MTA3: variants seen among roughly 807,000 people sequenced by gnomAD.
MTA3 encodes the protein metastasis associated 1 family member 3.
A neutral mutation model predicts 83.5 loss-of-function variants in MTA3; 34 were observed. The observed-to-expected ratio is 0.41, with a 90% CI of 0.31 to 0.54. MTA3 has a LOEUF of 0.54. MTA3 is among the 20% of genes least tolerant of loss of function. The pLI is 0.33. For missense variants in MTA3, 761 were observed against 726.4 expected (o/e 1.05, Z -0.55); for synonymous variants, 303 against 252.7 (o/e 1.20, Z -1.89).
chr2:42,742,106 C>T (rs920230502), intron 16 of MTA3, among the ~76,000 whole-genome samples: 1 of 151,576 alleles, frequency 6.6e-6, no homozygotes, highest in South Asian at 2.1e-4. Flanking sequence ...TTTTTCTTTG[C>T]TCAGACCATA....
rs371834252 is a variant in MTA3 at position 42,579,161 on chromosome 2, A to G, written c.151A>G (p.Ile51Val). ...KVVCFYRRRD[I>V]SNTLIMLADK... ...AGTATGCTTTTATAGACGACGTGAT[A>G]TTTCCAACACACTTATAATGCTCGC... Residue 51 changes from isoleucine to valine, a missense_variant, in exon 3 of 17, where the codon ATT becomes GTT. Physicochemically the swap from Ile to Val is conservative, Grantham distance 29. Coordinates refer to ENST00000405094, the MANE Select transcript of MTA3 (RefSeq NM_001330442.2). The G allele has an allele frequency of 2.5e-6, 4 of 1,608,034 alleles. No homozygotes were observed. Among genetic ancestry groups the G allele is most frequent in the East Asian group, 2.2e-5 (1 of 44,708 alleles).
chr2:42,504,586 C>T (rs1417695862), intron 2 of MTA3, among the ~76,000 whole-genome samples: 1 of 152,046 alleles, frequency 6.6e-6, no homozygotes, highest in East Asian at 1.9e-4. Flanking sequence ...AGGGACATGT[C>T]GCTCCTGTGT....
At chr2:42,556,768 G>C (rs984983926) in intron 2 of MTA3, among the ~76,000 whole-genome samples, 15 of 152,166 alleles carry the variant, frequency 9.9e-5, no homozygotes, top group African/African-American at 3.6e-4. Context: ...TTGGTGGGGG[G>C]AATGGGAAGA....
At chr2:42,629,867 C>T (rs996012939) in intron 4 of MTA3, among the ~76,000 whole-genome samples, 30 of 152,140 alleles carry the variant, frequency 2.0e-4, no homozygotes, top group African/African-American at 7.0e-4. Context: ...CAACCTCTGC[C>T]TCCCAGGTTC....
intron 16 of MTA3, among the ~76,000 whole-genome samples, chr2:42,745,887 C>G (rs1481299931): frequency 4.3e-5 from 6 of 138,462 alleles, no homozygotes; most frequent in Admixed American, 2.3e-4. Context: ...AATCTTAGCT[C>G]GCTGCAACCT....
At chr2:42,720,951 C>CAAAAAAAA (rs377702701) in intron 15 of MTA3, among the ~76,000 whole-genome samples, 27 of 69,554 alleles carry the variant, frequency 3.9e-4, no homozygotes, top group African/African-American at 5.4e-4. Context: ...GACCCTGTCT[C>CAAAAAAAA]AAAAAAAAAA....
chr2:42,528,091 A>AT (rs929912179), intron 2 of MTA3, among the ~76,000 whole-genome samples: 2 of 150,520 alleles, frequency 1.3e-5, no homozygotes, highest in African/African-American at 4.9e-5. Flanking sequence ...TGCCCAGCTA[A>AT]TTTTTTTGTA....
chr2:42,730,736 T>C (rs1668178556), intron 16 of MTA3, among the ~76,000 whole-genome samples: 1 of 152,230 alleles, frequency 6.6e-6, no homozygotes. Flanking sequence ...TTTGGAAATA[T>C]TTCTTTCTCC....
rs77542695 is a variant in MTA3, at chr2:42,591,325, A to G, written c.190+12125A>G. Among the ~76,000 whole-genome samples, 1,051 of 152,328 alleles carry G rather than the reference A, an allele frequency of 6.9e-3. 13 individuals are homozygous for G. Among genetic ancestry groups the G allele is most frequent in the African/African-American group, 0.023 (961 of 41,584 alleles). On this transcript the variant is annotated intron_variant, in intron 3 of 16. Coordinates refer to ENST00000405094, the MANE Select transcript of MTA3 (RefSeq NM_001330442.2). ...GATACACCTGTGTAGGGCACTTACC[A>G]TGAATGGAGATTCCAGGCCTTGAAG...
At chr2:42,610,216 C>G (rs1009188687) in intron 4 of MTA3, among the ~76,000 whole-genome samples, 1 of 152,198 alleles carries the variant, frequency 6.6e-6, no homozygotes, top group African/African-American at 2.4e-5. Flanking sequence ...TTGGGAAATG[C>G]TGGTCTTCCA....
At position 42,667,570 on chromosome 2, in the gene MTA3, TTGTG is replaced by T. The variant is rs1553379043; in HGVS notation, c.702+7744_702+7747del. Among the ~76,000 whole-genome samples, 741 of 145,110 alleles carry T rather than the reference TTGTG, an allele frequency of 5.1e-3. 15 individuals are homozygous for T. The highest frequency in any genetic ancestry group is 0.015 in the African/African-American group (577 of 39,286). ...TGTCAGAATTTCCATCATTTAAAAA[TTGTG>T]TGTGTGTGTGTGTGTGTGTGTGTGT... On this transcript the variant is annotated intron_variant, in intron 8 of 16. Transcript: ENST00000405094.
chr2:42,665,800 C>G (rs1690181842), intron 8 of MTA3, among the ~76,000 whole-genome samples: 1 of 152,026 alleles, frequency 6.6e-6, no homozygotes, highest in Non-Finnish European at 1.5e-5. Context: ...GGTGATGAGC[C>G]GAAGGGACAA....
intron 9 of MTA3, among the ~76,000 whole-genome samples, chr2:42,694,890 G>A (rs538913770): frequency 6.6e-6 from 1 of 152,224 alleles, no homozygotes; most frequent in East Asian, 1.9e-4. Flanking sequence ...TGTGATCCTA[G>A]GACTTTGGGA....
chr2:42,743,566 G>A (rs1329609033), intron 16 of MTA3, among the ~76,000 whole-genome samples: 1 of 152,186 alleles, frequency 6.6e-6, no homozygotes, highest in Non-Finnish European at 1.5e-5. Flanking sequence ...GGGCATGTGA[G>A]TACACTGTGG....
chr2:42,703,359 C>G (rs1470852375), intron 11 of MTA3: 1 of 152,106 alleles, frequency 6.6e-6, no homozygotes, highest in Non-Finnish European at 1.5e-5. Flanking sequence ...GCCAGAAGCT[C>G]CTGAAGTCCT....
chr2:42,699,364 A>G (rs1693659294), intron 11 of MTA3, among the ~76,000 whole-genome samples: 1 of 151,962 alleles, frequency 6.6e-6, no homozygotes, highest in South Asian at 2.1e-4. Flanking sequence ...ACCACACCCG[A>G]CTAATTTATT....
At chr2:42,634,997 C>T (rs1295936790) in intron 4 of MTA3, among the ~76,000 whole-genome samples, 2 of 151,812 alleles carry the variant, frequency 1.3e-5, no homozygotes, top group South Asian at 2.1e-4. Context: ...ATTGTTTTAC[C>T]TTTGCCTTTT....
chr2:42,534,799 C>CT (rs1286949399), intron 2 of MTA3, among the ~76,000 whole-genome samples: 2 of 151,898 alleles, frequency 1.3e-5, no homozygotes, highest in East Asian at 1.9e-4. Context: ...GTGTGGATTC[C>CT]TTTTTTTAGA....
chr2:42,514,455 C>G (rs1184370083), intron 2 of MTA3, among the ~76,000 whole-genome samples: 1 of 152,076 alleles, frequency 6.6e-6, no homozygotes, highest in East Asian at 1.9e-4. Context: ...TGTCTTGAGG[C>G]TCACTACAAC....
Sources: gnomAD v4.1 joint callset for allele counts (sites outside exome capture counted in the v4.1 genomes callset) on GRCh38, gnomAD v4.1.1 for gene constraint, MANE v1.5 for transcripts, NCBI Gene and HGNC (gene_info 2026-07-23, HGNC 2026-07-21) for gene names.